Variants in FAM120B observed in about 807,000 individuals in gnomAD.
The protein encoded by FAM120B is family with sequence similarity 120 member B.
A neutral mutation model predicts 96.3 loss-of-function variants in FAM120B; 83 were observed. The ratio of observed to expected loss-of-function variants is 0.86; its 90% CI spans 0.72 to 1.03. FAM120B has a LOEUF of 1.03. Among genes scored for constraint, FAM120B ranks in the 50% least tolerant of loss-of-function variants. FAM120B has a pLI of 0.00. For synonymous variants in FAM120B, 407 were observed against 402.7 expected (o/e 1.01, Z -0.13); for missense variants, 1,027 against 1,121.2 (o/e 0.92, Z 1.20).
chr6:170,383,959 GCGCTTGGTGAGTGGCTGA>G (rs1334457183), intron 6 of FAM120B, among the ~76,000 whole-genome samples: 3 of 152,206 alleles, frequency 2.0e-5, no homozygotes, highest in African/African-American at 7.2e-5. Context: ...TGAGTGGCTG[GCGCTTGGTGAGTGGCTGA>G]CGCTTGGAAC....
At chr6:170,326,711 A>C (rs1480492737) in intron 3 of FAM120B, among the ~76,000 whole-genome samples, 1 of 152,156 alleles carries the variant, frequency 6.6e-6, no homozygotes, top group African/African-American at 2.4e-5. Flanking sequence ...CAATTTTCCC[A>C]TGTGACAGAA....
At chr6:170,388,196 T>C (rs781535518) in intron 6 of FAM120B, 91 bp from the exon 7 acceptor site, 4 of 1,098,920 alleles carry the variant, frequency 3.6e-6, no homozygotes, top group Non-Finnish European at 5.5e-6. Flanking sequence ...GAGCATCCGT[T>C]CTGAGCAGAG....
chr6:170,323,941 T>C (rs1415585628), intron 3 of FAM120B, among the ~76,000 whole-genome samples: 2 of 152,196 alleles, frequency 1.3e-5, no homozygotes, highest in South Asian at 2.1e-4. Flanking sequence ...ATGCATTTAG[T>C]GCCCTTCTAT....
intron 6 of FAM120B, among the ~76,000 whole-genome samples, chr6:170,373,014 A>T (rs989409059): frequency 3.3e-5 from 5 of 152,258 alleles, no homozygotes; most frequent in African/African-American, 7.2e-5. Context: ...AGTTTTGTTC[A>T]TACAAGTATC....
intron 6 of FAM120B, among the ~76,000 whole-genome samples, chr6:170,373,739 G>T (rs1208411624): frequency 4.6e-5 from 7 of 152,148 alleles, no homozygotes; most frequent in South Asian, 4.2e-4. Flanking sequence ...AGGCAAACAG[G>T]CCTGAGAAGC....
At chr6:170,357,992 A>C (rs1788068078) in intron 5 of FAM120B, among the ~76,000 whole-genome samples, 1 of 151,278 alleles carries the variant, frequency 6.6e-6, no homozygotes, top group African/African-American at 2.4e-5. Context: ...CTGTGTGTAC[A>C]CCTGTGTGTG....
intron 5 of FAM120B, among the ~76,000 whole-genome samples, chr6:170,352,350 C>G (rs138370868): frequency 2.2e-4 from 34 of 152,290 alleles, no homozygotes; most frequent in African/African-American, 7.7e-4. Context: ...TAACACCCAA[C>G]TGACAAATAT....
chr6:170,388,519 A>C (rs1478489402), intron 7 of FAM120B, 26 bp downstream of exon 7: 1 of 1,588,086 alleles, frequency 6.3e-7, no homozygotes, highest in Non-Finnish European at 8.6e-7. Flanking sequence ...CCTACCTTTC[A>C]CCAGAAACAT....
intron 3 of FAM120B, 73 bp downstream of exon 3, chr6:170,323,332 T>C: frequency 8.0e-7 from 1 of 1,253,868 alleles, no homozygotes; most frequent in South Asian, 1.4e-5. Context: ...CCAGATGAAA[T>C]AGAGTGCATT....
intron 1 of FAM120B, among the ~76,000 whole-genome samples, chr6:170,296,661 T>C (rs1784018260): frequency 6.6e-6 from 1 of 151,776 alleles, no homozygotes; most frequent in Non-Finnish European, 1.5e-5. Context: ...GGCGCGCCCT[T>C]TGTGCGCTCT....
At chr6:170,302,725 A>G (rs1281550211), upstream of FAM120B, among the ~76,000 whole-genome samples, 2 of 151,680 alleles carry the variant, frequency 1.3e-5, no homozygotes, top group African/African-American at 4.9e-5. Context: ...TTTTATGTAA[A>G]CCTCCATCCT....
At chr6:170,333,292 T>G (rs1302834599) in intron 4 of FAM120B, among the ~76,000 whole-genome samples, 1 of 151,802 alleles carries the variant, frequency 6.6e-6, no homozygotes, top group Non-Finnish European at 1.5e-5. Context: ...GGCCCCTTCT[T>G]CCGTGTGAAG....
intron 4 of FAM120B, among the ~76,000 whole-genome samples, chr6:170,334,027 A>G (rs1274218036): frequency 6.6e-6 from 1 of 152,044 alleles, no homozygotes; most frequent in Non-Finnish European, 1.5e-5. Flanking sequence ...TGTGGCTGGG[A>G]GTCTTGGCCC....
intron 4 of FAM120B, among the ~76,000 whole-genome samples, chr6:170,340,644 T>C (rs904886991): frequency 1.3e-5 from 2 of 152,248 alleles, no homozygotes; most frequent in Non-Finnish European, 2.9e-5. Context: ...ATCTTTGATC[T>C]ATAAGGCTGA....
chr6:170,341,345 C>A (rs999095240), intron 4 of FAM120B, among the ~76,000 whole-genome samples: 9 of 152,190 alleles, frequency 5.9e-5, no homozygotes, highest in Non-Finnish European at 1.2e-4. Context: ...CGCCCCTCCC[C>A]CCACCAAGCT....
At chr6:170,296,418 C>T (rs929045404) in intron 1 of FAM120B, among the ~76,000 whole-genome samples, 49 of 151,928 alleles carry the variant, frequency 3.2e-4, no homozygotes, top group Non-Finnish European at 5.4e-4. Context: ...CGCGGCCGTG[C>T]GGCGGGTCAT....
intron 5 of FAM120B, among the ~76,000 whole-genome samples, chr6:170,353,883 A>G (rs1194526742): frequency 6.6e-6 from 1 of 152,212 alleles, no homozygotes; most frequent in African/African-American, 2.4e-5. Context: ...TTCCCATTAA[A>G]CTACCATTGA....
At chr6:170,382,384 A>G (rs1005069602) in intron 6 of FAM120B, among the ~76,000 whole-genome samples, 1 of 152,206 alleles carries the variant, frequency 6.6e-6, no homozygotes, top group Non-Finnish European at 1.5e-5. Context: ...AGCCTGGGCA[A>G]CCGAGTGAGA....
Position 170,379,348 on chromosome 6 carries a change from T to C in FAM120B, c.2284-8939T>C, listed in dbSNP as rs1789769267. 3.9e-5 allele frequency among the ~76,000 whole-genome samples: 6 copies of C among 152,250 alleles called. No individual in the cohort carries two copies. In the South Asian group the frequency reaches 1.0e-3, roughly 26 times the overall value. ...AGTCCTCATATATTGTTTACTCTTA[T>C]CATTTTCTCAAAACTGTGATTATTA... On this transcript the variant is annotated intron_variant, in intron 6 of 10. Transcript: ENST00000476287.
Sources: gnomAD v4.1 joint callset for allele counts (sites outside exome capture counted in the v4.1 genomes callset) on GRCh38, gnomAD v4.1.1 for gene constraint, MANE v1.5 for transcripts, NCBI Gene and HGNC (gene_info 2026-07-23, HGNC 2026-07-21) for gene names.